Variants in KIAA0825 observed in about 807,000 individuals in gnomAD.
KIAA0825 encodes the protein KIAA0825.
Under a neutral mutation model 147.6 loss-of-function variants are expected in KIAA0825, and 119 were observed. The observed-to-expected ratio is 0.81, with a 90% confidence interval of 0.69 to 0.94. KIAA0825 has a LOEUF of 0.94. Ranked by LOEUF, KIAA0825 falls within the 40% of genes least tolerant of loss-of-function variation. The pLI is 0.00. For missense variants in KIAA0825, 1,381 were observed against 1,472.7 expected (o/e 0.94, Z 1.02); for synonymous variants, 470 against 518.1 (o/e 0.91, Z 1.26).
At chr5:94,376,117 C>G (rs1293003959) in intron 20 of KIAA0825, among the ~76,000 whole-genome samples, 1 of 152,066 alleles carries the variant, frequency 6.6e-6, no homozygotes, top group Non-Finnish European at 1.5e-5. Flanking sequence ...TAAGGATTTA[C>G]AGTTAAATAT....
Position 94,355,552 on chromosome 5 carries a change from A to T in KIAA0825, c.3710+28816T>A, listed in dbSNP as rs944133980. Among the ~76,000 whole-genome samples, 13 of 152,326 alleles carry T rather than the reference A, an allele frequency of 8.5e-5. No individual in the cohort carries two copies. The East Asian group carries it at 2.3e-3, about 27-fold the overall frequency. On this transcript the variant is annotated intron_variant, in intron 20 of 20. Transcript: ENST00000682413. ...TTAGATAGGAATTTGAGCAAAATAA[A>T]AAAATCAGAGCTTAGTCCTCAAAAA...
At chr5:94,175,767 A>G (rs1388070375) in intron 20 of KIAA0825, among the ~76,000 whole-genome samples, 1 of 152,186 alleles carries the variant, frequency 6.6e-6, no homozygotes, top group Non-Finnish European at 1.5e-5. Context: ...TTTTAGGGAA[A>G]TATCTAGGAA....
intron 20 of KIAA0825, among the ~76,000 whole-genome samples, chr5:94,241,466 A>G (rs1246383530): frequency 6.6e-6 from 1 of 152,188 alleles, no homozygotes; most frequent in African/African-American, 2.4e-5. Context: ...ATTTTCCCAG[A>G]CATTTCGTGT....
chr5:94,285,358 T>C (rs1777623522), intron 20 of KIAA0825, among the ~76,000 whole-genome samples: 1 of 152,162 alleles, frequency 6.6e-6, no homozygotes, highest in South Asian at 2.1e-4. Context: ...AAACATACTC[T>C]GGATTTTTAT....
At chr5:94,165,663 T>C (rs1171294714) in intron 20 of KIAA0825, among the ~76,000 whole-genome samples, 12 of 152,194 alleles carry the variant, frequency 7.9e-5, no homozygotes, top group African/African-American at 1.2e-4. Context: ...TGGAGTAATA[T>C]TTGACCATAA....
intron 20 of KIAA0825, among the ~76,000 whole-genome samples, chr5:94,289,852 C>A (rs1466705521): frequency 6.6e-6 from 1 of 150,396 alleles, no homozygotes; most frequent in Non-Finnish European, 1.5e-5. Context: ...GCAGCCAGGG[C>A]AATATGGCAA....
At chr5:94,523,822 T>C in intron 4 of KIAA0825, 108 bp downstream of exon 4, 1 of 646,426 alleles carries the variant, frequency 1.5e-6, no homozygotes, top group Non-Finnish European at 2.5e-6. Context: ...CCCCTATGTA[T>C]GGCAGGCTAA....
intron 1 of KIAA0825, among the ~76,000 whole-genome samples, chr5:94,614,056 CAGAA>C (rs1280247092): frequency 6.6e-6 from 1 of 151,962 alleles, no homozygotes. Context: ...TATTACTTAA[CAGAA>C]AGAAGTCAGT....
At chr5:94,491,856 A>C (rs1172703810) in intron 5 of KIAA0825, among the ~76,000 whole-genome samples, 4 of 152,208 alleles carry the variant, frequency 2.6e-5, no homozygotes, top group Middle Eastern at 3.2e-3. Context: ...GAGTGAATAA[A>C]TGAGTAAATA....
intron 20 of KIAA0825, among the ~76,000 whole-genome samples, chr5:94,214,121 G>A (rs1772993763): frequency 1.3e-5 from 2 of 152,096 alleles, no homozygotes; most frequent in Non-Finnish European, 2.9e-5. Flanking sequence ...CTCCCAAAAT[G>A]CTAGGATTAC....
At chr5:94,174,194 AAAAC>A (rs1442605840) in intron 20 of KIAA0825, among the ~76,000 whole-genome samples, 2 of 152,190 alleles carry the variant, frequency 1.3e-5, no homozygotes, top group Non-Finnish European at 2.9e-5. Flanking sequence ...GTTAAAAACA[AAAAC>A]AAAACAAAGC....
intron 14 of KIAA0825, among the ~76,000 whole-genome samples, chr5:94,417,683 G>A (rs29908): frequency 0.12 from 17,741 of 151,994 alleles, 1,189 homozygotes; most frequent in East Asian, 0.26. Flanking sequence ...TTCTCTTAAG[G>A]AAAACTTTTT....
chr5:94,224,981 T>G (rs1035927821), intron 20 of KIAA0825, among the ~76,000 whole-genome samples: 3 of 152,222 alleles, frequency 2.0e-5, no homozygotes, highest in Non-Finnish European at 2.9e-5. Context: ...CTCCACTTTG[T>G]TCTATTCTGA....
intron 1 of KIAA0825, among the ~76,000 whole-genome samples, chr5:94,611,022 A>G (rs1788671493): frequency 6.6e-6 from 1 of 152,038 alleles, no homozygotes; most frequent in South Asian, 2.1e-4. Context: ...GCTAGAAACA[A>G]CTGCAGCTGT....
intron 20 of KIAA0825, among the ~76,000 whole-genome samples, chr5:94,377,560 A>T (rs563637906): frequency 6.6e-6 from 1 of 152,342 alleles, no homozygotes; most frequent in East Asian, 1.9e-4. Context: ...GGGTGAGAAC[A>T]AAAGCAAAAA....
chr5:94,258,187 A>G (rs1355279921), intron 20 of KIAA0825, among the ~76,000 whole-genome samples: 1 of 152,008 alleles, frequency 6.6e-6, no homozygotes, highest in Non-Finnish European at 1.5e-5. Flanking sequence ...AACTGTTTCT[A>G]TTTGGATGTC....
intron 1 of KIAA0825, among the ~76,000 whole-genome samples, chr5:94,610,789 ATATAT>A (rs1788610561): frequency 1.3e-5 from 1 of 78,600 alleles, no homozygotes; most frequent in African/African-American, 6.4e-5. Context: ...AAAAAAAAGT[ATATAT>A]ATATATATAT....
chr5:94,329,713 C>T (rs1186581453), intron 20 of KIAA0825, among the ~76,000 whole-genome samples: 3 of 152,050 alleles, frequency 2.0e-5, no homozygotes, highest in Non-Finnish European at 2.9e-5. Flanking sequence ...AAAGACTCAC[C>T]TGGTGGCAGT....
intron 3 of KIAA0825, among the ~76,000 whole-genome samples, chr5:94,529,329 TC>T (rs1162855528): frequency 4.1e-5 from 6 of 144,674 alleles, no homozygotes; most frequent in Non-Finnish European, 9.0e-5. Context: ...TATGTATATA[TC>T]ATATATATGT....
Sources: gnomAD v4.1 joint callset for allele counts (sites outside exome capture counted in the v4.1 genomes callset) on GRCh38, gnomAD v4.1.1 for gene constraint, MANE v1.5 for transcripts, NCBI Gene and HGNC (gene_info 2026-07-23, HGNC 2026-07-21) for gene names.